Variants in RWDD2B observed in about 807,000 individuals in gnomAD.
The protein encoded by RWDD2B is RWD domain containing 2B.
Under a neutral mutation model 33.6 loss-of-function variants are expected in RWDD2B, and 36 were observed. The ratio of observed to expected loss-of-function variants is 1.07; its 90% CI spans 0.82 to 1.42. The LOEUF is 1.42. RWDD2B is among the 40% of genes most tolerant of loss of function. The probability of loss-of-function intolerance (pLI) is 0.00; values close to 1 mark genes in which losing one functional copy is unlikely to be tolerated. For synonymous variants in RWDD2B, 126 were observed against 133.1 expected (o/e 0.95, Z 0.37); for missense variants, 364 against 377.5 (o/e 0.96, Z 0.30).
chr21:29,016,958 T>TA (rs1346544818), intron 1 of RWDD2B, among the ~76,000 whole-genome samples: 3 of 135,544 alleles, frequency 2.2e-5, no homozygotes, highest in Non-Finnish European at 3.4e-5. Context: ...TATTATTAAT[T>TA]AAAAAAACCT....
chr21:29,018,452 T>C (rs1400965657), intron 1 of RWDD2B, among the ~76,000 whole-genome samples: 1 of 152,150 alleles, frequency 6.6e-6, no homozygotes, highest in Non-Finnish European at 1.5e-5. Flanking sequence ...TTTGGAACTA[T>C]ATATTTGTTT....
At position 29,006,312 on chromosome 21, in the gene RWDD2B, A is replaced by G. The variant is rs2084828087; in HGVS notation, c.*105T>C. ...TTTTTCTTGTGCCCCACTCCCCAAC[A>G]TTCTAGAATGGAACTAAAATAAAAT... On this transcript the variant is annotated 3_prime_UTR_variant, in exon 5 of 5. Transcript: ENST00000493196. 1.4e-6 allele frequency: 1 copy of G among 707,278 alleles called. No homozygotes were observed. The highest frequency in any genetic ancestry group is 1.8e-5 in the African/African-American group (1 of 55,238). The allele number at this position is 707,278 out of a possible 1,614,324, so 43.8% of individuals were successfully genotyped here. A position where few individuals can be genotyped will look rare whatever the true frequency, so the allele number is the denominator to read the frequency against.
chr21:29,013,963 G>A (rs909802195), intron 1 of RWDD2B, among the ~76,000 whole-genome samples: 4 of 151,924 alleles, frequency 2.6e-5, no homozygotes, highest in Admixed American at 2.0e-4. Context: ...CCAAATTCTC[G>A]AGCCCCATAT....
intron 1 of RWDD2B, among the ~76,000 whole-genome samples, chr21:29,010,761 C>T (rs1210424577): frequency 6.6e-6 from 1 of 151,628 alleles, no homozygotes; most frequent in South Asian, 2.1e-4. Flanking sequence ...TCACTGCAAC[C>T]TCCCTGCCTG....
At chr21:29,008,991 G>A (rs2084843738) in intron 1 of RWDD2B, among the ~76,000 whole-genome samples, 1 of 152,206 alleles carries the variant, frequency 6.6e-6, no homozygotes, top group South Asian at 2.1e-4. Flanking sequence ...CAGAAGAGAG[G>A]ATATGACTGG....
Position 29,005,079 on chromosome 21 carries a change from G to A in RWDD2B, c.*1338C>T, listed in dbSNP as rs990116858. The A allele has an allele frequency of 1.3e-5, 2 of 152,192 alleles. No homozygotes were observed. Among genetic ancestry groups the A allele is most frequent in the Non-Finnish European group, 2.9e-5 (2 of 68,032 alleles). 9.4% of individuals were successfully genotyped at this position (152,192 alleles called of 1,614,324 possible). A position where few individuals can be genotyped will look rare whatever the true frequency, so the allele number is the denominator to read the frequency against. On this transcript the variant is annotated 3_prime_UTR_variant, in exon 5 of 5. Coordinates refer to ENST00000493196, the MANE Select transcript of RWDD2B (RefSeq NM_016940.3). ...TGCTTTTGGAACTAACTGGTTTATG[G>A]AGGTCCTCAAAAACTGGGTGGTGTG...
chr21:29,010,051 T>C (rs553748119), intron 1 of RWDD2B, among the ~76,000 whole-genome samples: 6 of 152,312 alleles, frequency 3.9e-5, no homozygotes, highest in South Asian at 4.1e-4. Context: ...CTTTACCTAT[T>C]GATGGACACT....
chr21:29,015,050 AG>A (rs150370996), intron 1 of RWDD2B, among the ~76,000 whole-genome samples: 2,239 of 152,050 alleles, frequency 0.015, 59 homozygotes, highest in African/African-American at 0.051. Flanking sequence ...CTGGCTTAAC[AG>A]GTTTTTACTT....
chr21:29,017,254 A>G (rs964577876), intron 1 of RWDD2B, among the ~76,000 whole-genome samples: 8 of 152,190 alleles, frequency 5.3e-5, no homozygotes, highest in African/African-American at 9.7e-5. Context: ...CTAAGATAAC[A>G]ATGAATGAAA....
intron 1 of RWDD2B, 55 bp downstream of exon 1, chr21:29,019,156 A>G (rs1381707852): frequency 2.0e-5 from 29 of 1,427,890 alleles, no homozygotes; most frequent in Non-Finnish European, 2.8e-5. Context: ...TGGGCGCTGC[A>G]GCGTGGGAAA....
At chr21:29,014,690 G>A (rs977664503) in intron 1 of RWDD2B, among the ~76,000 whole-genome samples, 4 of 151,976 alleles carry the variant, frequency 2.6e-5, no homozygotes, top group South Asian at 2.1e-4. Context: ...GCGTGGTGGC[G>A]GGCACCTGTA....
Position 29,006,489 on chromosome 21 carries a change from C to T in RWDD2B, c.888G>A (p.Gln296=). 1.9e-6 allele frequency: 3 copies of T among 1,614,126 alleles called. No individual in the cohort carries two copies. The East Asian group carries it at 6.7e-5, about 36-fold the overall frequency. ...GARGNHMDFG[Q]LYQFLNTKGC... is the part of the protein sequence containing the mutation. ...CTTTGGTGTTTAAGAACTGATAGAG[C>T]TGACCAAAGTCCATGTGGTTTCCCC... The change falls in exon 5 of 5, where the codon CAG becomes CAA. Residue 296 remains glutamine, a synonymous_variant. Transcript: ENST00000493196.
At chr21:29,017,487 C>A (rs2084896082) in intron 1 of RWDD2B, among the ~76,000 whole-genome samples, 2 of 152,020 alleles carry the variant, frequency 1.3e-5, no homozygotes, top group South Asian at 4.2e-4. Flanking sequence ...TCGCCCACGC[C>A]TGTAGTCCCA....
chr21:29,012,667 C>G (rs1428441824), intron 1 of RWDD2B, among the ~76,000 whole-genome samples: 1 of 152,014 alleles, frequency 6.6e-6, no homozygotes, highest in African/African-American at 2.4e-5. Context: ...CCTAGGAAAA[C>G]CAGAGACCTT....
rs2084837707 is a variant in RWDD2B at position 29,008,028 on chromosome 21, T to C, written c.458A>G (p.Asn153Ser). The change falls in exon 4 of 5, where the codon AAT (asparagine) becomes AGT (serine). Residue 153 changes from asparagine (N) to serine (S), a missense_variant. Physicochemically the swap from Asn to Ser is conservative, Grantham distance 46. Transcript: ENST00000493196. ...GTGTTCTCTAACCCACTCTGTGGCA[T>C]TCAGTATACAAACATCTCCATGACA... is the stretch of plus-strand genomic sequence containing the variant. Reference protein sequence around the residue: ...KHCHGDVCILNATEWVREHAS... With the variant: ...KHCHGDVCILSATEWVREHAS... 1.2e-6 allele frequency: 2 copies of C among 1,614,114 alleles called. No homozygotes were observed. The highest frequency in any genetic ancestry group is 1.1e-5 in the South Asian group (1 of 91,088).
chr21:29,007,055 A>G (rs76372170), intron 4 of RWDD2B, among the ~76,000 whole-genome samples: 2,391 of 152,354 alleles, frequency 0.016, 48 homozygotes, highest in Non-Finnish European at 0.022. Flanking sequence ...TGAATCCCAA[A>G]CTACTATGGA....
intron 1 of RWDD2B, among the ~76,000 whole-genome samples, chr21:29,013,109 C>T (rs547468400): frequency 1.4e-5 from 2 of 147,356 alleles, no homozygotes; most frequent in East Asian, 2.0e-4. Flanking sequence ...TGCAGTGGTG[C>T]GATTATAGCT....
At position 29,006,431 on chromosome 21, in the gene RWDD2B, C is replaced by T. The variant is rs376728957; in HGVS notation, c.946G>A (p.Val316Ile). Residue 316 changes from valine (V) to isoleucine (I), a missense_variant, in exon 5 of 5, where the codon GTA (valine) becomes ATA (isoleucine). Val to Ile is a conservative substitution (Grantham distance 29, BLOSUM62 3). Transcript: ENST00000493196. Reference protein sequence around the residue: ...CGDVFQMFFGVEGQ With the variant: ...CGDVFQMFFGIEGQ Reference sequence around the variant, plus strand: ...TACTCTTGATGTCATTGTCCTTCTACACCAAAGAACATCTGGAAAACATCC... The same window carrying T: ...TACTCTTGATGTCATTGTCCTTCTATACCAAAGAACATCTGGAAAACATCC... 2.0e-5 allele frequency: 32 copies of T among 1,608,320 alleles called. No individual in the cohort carries two copies. The highest frequency in any genetic ancestry group is 2.6e-5 in the Non-Finnish European group (30 of 1,176,384).
Position 29,013,279 on chromosome 21 carries a change from A to T in RWDD2B, c.68-4658T>A, listed in dbSNP as rs530705291. Among the ~76,000 whole-genome samples, 12 of 152,274 alleles carry T rather than the reference A, an allele frequency of 7.9e-5. No homozygotes were observed. In the East Asian group the frequency reaches 1.9e-3, roughly 24 times the overall value. ...AATTGCTCCTACTCTGTCTCTTCATAGCCATCACTCTTCTTTTCTAGAATT... is the reference window on the plus strand; with the variant it reads ...AATTGCTCCTACTCTGTCTCTTCATTGCCATCACTCTTCTTTTCTAGAATT... On this transcript the variant is annotated intron_variant, in intron 1 of 4. Transcript: ENST00000493196.
Sources: allele counts gnomAD v4.1 joint callset (sites outside exome capture counted in the v4.1 genomes callset), GRCh38; gene constraint gnomAD v4.1.1; transcripts MANE v1.5; gene names NCBI Gene and HGNC (gene_info 2026-07-23, HGNC 2026-07-21).